The following CRIM1 variants were observed in gnomAD, a reference collection of about 807,000 sequenced individuals.
The protein encoded by CRIM1 is cysteine-rich motor neuron 1 protein.
In CRIM1, 32 loss-of-function variants were observed where a neutral mutation model predicts 116.4. The observed-to-expected ratio is 0.27, with a 90% CI of 0.21 to 0.37. The LOEUF is 0.37. Ranked by LOEUF, CRIM1 falls within the 10% of genes least tolerant of loss-of-function variation. CRIM1 has a pLI of 1.00. For synonymous variants in CRIM1, 590 were observed against 509.2 expected (o/e 1.16, Z -2.13); for missense variants, 1,331 against 1,354.8 (o/e 0.98, Z 0.28).
chr2:36,524,273 A>G (rs1459164555), intron 13 of CRIM1, among the ~76,000 whole-genome samples: 1 of 152,194 alleles, frequency 6.6e-6, no homozygotes, highest in Non-Finnish European at 1.5e-5. Flanking sequence ...CAAGGCATAT[A>G]TCCAATTTAG....
chr2:36,393,016 G>A (rs1372263613), intron 1 of CRIM1, among the ~76,000 whole-genome samples: 1 of 152,162 alleles, frequency 6.6e-6, no homozygotes, highest in East Asian at 1.9e-4. Flanking sequence ...ACAGCAAGGG[G>A]CCAGCGGCCT....
intron 7 of CRIM1, 37 bp from the exon 8 acceptor site, chr2:36,499,182 T>C (rs1354534044): frequency 1.3e-6 from 2 of 1,529,850 alleles, no homozygotes; most frequent in East Asian, 2.3e-5. Flanking sequence ...GGTAATCATA[T>C]GTTTCATTGG....
chr2:36,436,567 A>G (rs531844875), intron 2 of CRIM1, among the ~76,000 whole-genome samples: 46 of 152,326 alleles, frequency 3.0e-4, no homozygotes, highest in Middle Eastern at 6.8e-3. Flanking sequence ...GAAATCAGGT[A>G]AAAAATGGGA....
At chr2:36,397,045 G>C (rs1672081104) in intron 2 of CRIM1, among the ~76,000 whole-genome samples, 2 of 152,152 alleles carry the variant, frequency 1.3e-5, no homozygotes, top group African/African-American at 4.8e-5. Flanking sequence ...CTGCATAATG[G>C]ATGATTTCAC....
At position 36,474,936 on chromosome 2, in the gene CRIM1, C is replaced by G. The variant is rs72866807; in HGVS notation, c.992-1953C>G. 3.2e-3 allele frequency among the ~76,000 whole-genome samples: 474 copies of G among 150,076 alleles called. 2 individuals are homozygous for G. Among genetic ancestry groups the G allele is most frequent in the African/African-American group, 0.011 (443 of 41,002 alleles). ...GTAAATGTGATAGTTTATTCCTGAA[C>G]TCTCAATTCCATTGAACTATATATC... On this transcript the variant is annotated intron_variant, in intron 5 of 16. Transcript: ENST00000280527.
At chr2:36,507,494 T>G (rs535994962) in intron 8 of CRIM1, among the ~76,000 whole-genome samples, 1 of 152,294 alleles carries the variant, frequency 6.6e-6, no homozygotes, top group South Asian at 2.1e-4. Context: ...CCCTATACAG[T>G]GTGTGCCTAA....
At chr2:36,441,626 T>C in intron 3 of CRIM1, 126 bp downstream of exon 3, 1 of 1,249,908 alleles carries the variant, frequency 8.0e-7, no homozygotes, top group Non-Finnish European at 1.1e-6. Flanking sequence ...CCTGTGAATC[T>C]GCCACTTTGG....
At chr2:36,370,187 T>C (rs1006457445) in intron 1 of CRIM1, among the ~76,000 whole-genome samples, 4 of 151,936 alleles carry the variant, frequency 2.6e-5, no homozygotes, top group African/African-American at 9.7e-5. Context: ...TTCTTAGTGA[T>C]TGGGACAAAA....
intron 7 of CRIM1, among the ~76,000 whole-genome samples, chr2:36,492,845 C>G (rs1196346755): frequency 6.6e-6 from 1 of 152,128 alleles, no homozygotes; most frequent in African/African-American, 2.4e-5. Context: ...CCCCTCCAAC[C>G]CCCCAATCCC....
At chr2:36,393,582 A>G (rs1671787894) in intron 1 of CRIM1, among the ~76,000 whole-genome samples, 1 of 152,104 alleles carries the variant, frequency 6.6e-6, no homozygotes, top group South Asian at 2.1e-4. Flanking sequence ...TAAAACCACT[A>G]TGGTAGGGGA....
At chr2:36,497,055 A>T (rs1045052060) in intron 7 of CRIM1, among the ~76,000 whole-genome samples, 1 of 152,142 alleles carries the variant, frequency 6.6e-6, no homozygotes, top group Non-Finnish European at 1.5e-5. Flanking sequence ...ATGATTATAC[A>T]TTTTTCAAGG....
At chr2:36,438,012 G>T (rs541937264) in intron 2 of CRIM1, among the ~76,000 whole-genome samples, 1 of 151,996 alleles carries the variant, frequency 6.6e-6, no homozygotes, top group East Asian at 1.9e-4. Context: ...CGCACCCGTA[G>T]TCCCAGCTAC....
Position 36,486,294 on chromosome 2 carries a change from T to C in CRIM1, c.1372+6600T>C, listed in dbSNP as rs375199953. Among the ~76,000 whole-genome samples, 17 of 152,318 alleles carry C rather than the reference T, an allele frequency of 1.1e-4. No homozygotes were observed. The South Asian group carries it at 2.9e-3, about 26-fold the overall frequency. On this transcript the variant is annotated intron_variant, in intron 7 of 16. Coordinates refer to ENST00000280527, the MANE Select transcript of CRIM1 (RefSeq NM_016441.3). The stretch of plus-strand genomic sequence containing the variant: ...AGTGTAGAAATAAATGTTGTAGAAG[T>C]AGTTTAATAGAGAAGAAATGTTTAT...
At chr2:36,434,460 T>C (rs1054305463) in intron 2 of CRIM1, among the ~76,000 whole-genome samples, 6 of 152,372 alleles carry the variant, frequency 3.9e-5, no homozygotes, top group African/African-American at 1.4e-4. Flanking sequence ...GGGAAAATCA[T>C]GGGCTTTGGC....
intron 2 of CRIM1, among the ~76,000 whole-genome samples, chr2:36,397,960 T>TGACA (rs1202130385): frequency 3.6e-4 from 55 of 152,182 alleles, no homozygotes; most frequent in Non-Finnish European, 6.5e-4. Flanking sequence ...CACCAAGTAT[T>TGACA]CTTCCTGTCA....
intron 7 of CRIM1, among the ~76,000 whole-genome samples, 199 bp downstream of exon 7, chr2:36,479,893 C>A (rs1181928938): frequency 6.6e-6 from 1 of 152,150 alleles, no homozygotes; most frequent in Non-Finnish European, 1.5e-5. Context: ...ATAGTGTGGT[C>A]ATTATTTTGC....
At chr2:36,531,157 TTTGAAA>T (rs1370202292) in intron 13 of CRIM1, among the ~76,000 whole-genome samples, 1 of 152,132 alleles carries the variant, frequency 6.6e-6, no homozygotes, top group East Asian at 1.9e-4. Context: ...ACGCAGGAGA[TTTGAAA>T]GAACTGATGC....
At chr2:36,446,900 G>A (rs1676286913) in intron 4 of CRIM1, among the ~76,000 whole-genome samples, 1 of 152,314 alleles carries the variant, frequency 6.6e-6, no homozygotes, top group Admixed American at 6.5e-5. Flanking sequence ...GTGTCTGCAT[G>A]TGTGTGCATG....
intron 13 of CRIM1, among the ~76,000 whole-genome samples, chr2:36,524,361 G>A (rs1334649042): frequency 6.6e-6 from 1 of 152,176 alleles, no homozygotes; most frequent in African/African-American, 2.4e-5. Context: ...CTAAATGAAA[G>A]CTATAACTAA....
Sources: allele counts gnomAD v4.1 joint callset (sites outside exome capture counted in the v4.1 genomes callset), GRCh38; gene constraint gnomAD v4.1.1; transcripts MANE v1.5; gene names NCBI Gene and HGNC (gene_info 2026-07-23, HGNC 2026-07-21).